The following RNF130 variants were observed in gnomAD, a reference collection of about 807,000 sequenced individuals.
The protein encoded by RNF130 is E3 ubiquitin-protein ligase RNF130.
In RNF130, 21 loss-of-function variants were observed where a neutral mutation model predicts 44.6. The ratio of observed to expected loss-of-function variants is 0.47; its 90% CI spans 0.33 to 0.68. RNF130 has a LOEUF of 0.68. Ranked by LOEUF, RNF130 falls within the 30% of genes least tolerant of loss-of-function variation. The pLI, the probability that RNF130 is intolerant of heterozygous loss-of-function variation, is 0.02. For synonymous variants in RNF130, 214 were observed against 210.4 expected (o/e 1.02, Z -0.15); for missense variants, 479 against 560.6 (o/e 0.85, Z 1.47).
At chr5:179,931,908 A>G (rs1761813529) in intron 7 of RNF130, among the ~76,000 whole-genome samples, 1 of 152,124 alleles carries the variant, frequency 6.6e-6, no homozygotes, top group Non-Finnish European at 1.5e-5. Context: ...ACTTCCCGCC[A>G]TATCCCAGAT....
chr5:179,955,622 CA>C lies in RNF130; in HGVS notation c.*31del. 2 of 1,568,976 alleles carry C rather than the reference CA, an allele frequency of 1.3e-6. No homozygotes were observed. The highest frequency in any genetic ancestry group is 1.7e-6 in the Non-Finnish European group (2 of 1,157,438). On this transcript the variant is annotated 3_prime_UTR_variant, in exon 9 of 9. Transcript: ENST00000521389. ...AAATAGGTTCTTTTTTCCTTCAAGG[CA>C]AAATCAGTCAGAAAGCAGGTTTTTT...
At chr5:179,913,908 C>T (rs1254617252) in exon 8 of RNF130, 1 of 152,232 alleles carries the variant, frequency 6.6e-6, no homozygotes, top group Admixed American at 6.5e-5. Flanking sequence ...TCACGCTTTG[C>T]TTTCCCTGTA....
chr5:180,059,203 A>G (rs1764912523), intron 1 of RNF130, among the ~76,000 whole-genome samples: 1 of 152,034 alleles, frequency 6.6e-6, no homozygotes, highest in African/African-American at 2.4e-5. Flanking sequence ...GGACTGAAAC[A>G]TCCTCCTTTC....
intron 1 of RNF130, among the ~76,000 whole-genome samples, chr5:180,068,640 G>A (rs1027085850): frequency 9.2e-5 from 14 of 152,248 alleles, no homozygotes; most frequent in African/African-American, 2.6e-4. Context: ...AAATTCACAC[G>A]TGCCAAACTG....
intron 5 of RNF130, among the ~76,000 whole-genome samples, chr5:179,974,661 G>C (rs1762675933): frequency 6.6e-6 from 1 of 152,248 alleles, no homozygotes; most frequent in Non-Finnish European, 1.5e-5. Context: ...CAGTGGGCAG[G>C]TGTGACAGCA....
intron 3 of RNF130, among the ~76,000 whole-genome samples, chr5:179,992,103 G>C (rs1763096262): frequency 6.6e-6 from 1 of 152,148 alleles, no homozygotes; most frequent in Non-Finnish European, 1.5e-5. Flanking sequence ...TGTATCCATG[G>C]TCTAGATCAT....
At chr5:180,047,354 T>A (rs140611478) in intron 1 of RNF130, among the ~76,000 whole-genome samples, 2 of 152,260 alleles carry the variant, frequency 1.3e-5, no homozygotes, top group Non-Finnish European at 2.9e-5. Flanking sequence ...TCCACTTCCA[T>A]GGATATAACT....
chr5:179,930,324 A>G lies in RNF130; in HGVS notation c.1151-9898T>C, dbSNP rs190624170. Among the ~76,000 whole-genome samples, 179 of 152,258 alleles carry G rather than the reference A, an allele frequency of 1.2e-3. 1 individual carries two copies. The Middle Eastern group carries it at 0.017, about 14-fold the overall frequency. Reference sequence around the variant, plus strand: ...GCCCGCCTTGGCCTCCCAGAGTGCTAGGATTACAGGCATGAGCCACTGCAC... The same window carrying G: ...GCCCGCCTTGGCCTCCCAGAGTGCTGGGATTACAGGCATGAGCCACTGCAC... On this transcript the variant is annotated intron_variant, in intron 7 of 7. Transcript: ENST00000522208.
chr5:179,965,268 T>C (rs931968749), intron 7 of RNF130, among the ~76,000 whole-genome samples: 2 of 152,214 alleles, frequency 1.3e-5, no homozygotes, highest in African/African-American at 2.4e-5. Context: ...CCCCAGTGCC[T>C]ACTTAGCACA....
chr5:179,978,310 A>T, intron 4 of RNF130, 25 bp from the exon 5 acceptor site: 1 of 1,507,270 alleles, frequency 6.6e-7, no homozygotes, highest in South Asian at 1.1e-5. Context: ...ACAGAAACAA[A>T]AAGTCACACG....
At chr5:179,928,775 C>T (rs1426322364) in intron 7 of RNF130, among the ~76,000 whole-genome samples, 1 of 151,854 alleles carries the variant, frequency 6.6e-6, no homozygotes, top group African/African-American at 2.4e-5. Context: ...ACTACAGGCG[C>T]CCACCACCAC....
chr5:179,974,244 G>A (rs115066968), intron 5 of RNF130, among the ~76,000 whole-genome samples: 1,927 of 152,266 alleles, frequency 0.013, 14 homozygotes, highest in African/African-American at 0.029. Context: ...CCGGCCCCCC[G>A]CTTTAGCTCC....
chr5:180,022,141 C>T (rs1026833562), intron 2 of RNF130, among the ~76,000 whole-genome samples: 1 of 152,100 alleles, frequency 6.6e-6, no homozygotes, highest in Admixed American at 6.5e-5. Flanking sequence ...TTTTTATTTG[C>T]CATTACTAGT....
At chr5:180,039,522 C>T (rs1397716040) in intron 2 of RNF130, among the ~76,000 whole-genome samples, 1 of 152,052 alleles carries the variant, frequency 6.6e-6, no homozygotes, top group Non-Finnish European at 1.5e-5. Context: ...TTCTAAAAGG[C>T]TTAGTTTGAA....
At chr5:179,991,627 C>A (rs1288260617) in intron 3 of RNF130, among the ~76,000 whole-genome samples, 2 of 152,132 alleles carry the variant, frequency 1.3e-5, no homozygotes, top group Admixed American at 6.6e-5. Context: ...TGATCTAGAT[C>A]AGTGGCCCCC....
At chr5:179,925,064 G>A (rs1365058396) in intron 7 of RNF130, among the ~76,000 whole-genome samples, 3 of 152,218 alleles carry the variant, frequency 2.0e-5, no homozygotes, top group South Asian at 2.1e-4. Context: ...GTTTTTATCC[G>A]GGCTTCCTGG....
chr5:179,930,376 CTTA>C (rs1257172321), intron 7 of RNF130, among the ~76,000 whole-genome samples: 14 of 152,088 alleles, frequency 9.2e-5, no homozygotes, highest in African/African-American at 3.4e-4. Context: ...TTTTAAATTG[CTTA>C]TTGTTAGTCT....
intron 6 of RNF130, among the ~76,000 whole-genome samples, chr5:179,967,994 C>T (rs1279411841): frequency 6.6e-6 from 1 of 152,208 alleles, no homozygotes; most frequent in Non-Finnish European, 1.5e-5. Flanking sequence ...AGTATTAGCA[C>T]TTAATATACT....
chr5:179,935,881 G>A (rs1323830871), intron 7 of RNF130, among the ~76,000 whole-genome samples: 1 of 152,074 alleles, frequency 6.6e-6, no homozygotes, highest in South Asian at 2.1e-4. Context: ...ATGCAAGCAT[G>A]TTAGAGCAGT....
Sources: gnomAD v4.1 joint callset for allele counts (sites outside exome capture counted in the v4.1 genomes callset) on GRCh38, gnomAD v4.1.1 for gene constraint, MANE v1.5 for transcripts, NCBI Gene and HGNC (gene_info 2026-07-23, HGNC 2026-07-21) for gene names.